The following DROSHA variants were observed in gnomAD, a reference collection of about 807,000 sequenced individuals.
The protein encoded by DROSHA is drosha ribonuclease III.
Under a neutral mutation model 181.9 loss-of-function variants are expected in DROSHA, and 56 were observed. That is an observed-to-expected ratio of 0.31 (90% CI 0.25 to 0.38). DROSHA has a LOEUF of 0.38. DROSHA is among the 10% of genes least tolerant of loss of function. The pLI is 1.00. For synonymous variants in DROSHA, 524 were observed against 591.2 expected (o/e 0.89, Z 1.65); for missense variants, 1,218 against 1,743.5 (o/e 0.70, Z 5.37).
intron 12 of DROSHA, 54 bp from the exon 13 acceptor site, chr5:31,493,347 T>C (rs1752612873): frequency 1.4e-6 from 2 of 1,481,364 alleles, no homozygotes; most frequent in Admixed American, 2.1e-5. Context: ...ATGAGTTGCA[T>C]ATGCAGAAAT....
chr5:31,489,438 A>C (rs1286983797), intron 13 of DROSHA, among the ~76,000 whole-genome samples: 1 of 152,108 alleles, frequency 6.6e-6, no homozygotes, highest in Non-Finnish European at 1.5e-5. Context: ...CTTCTCAGAC[A>C]CACAAATTTG....
intron 20 of DROSHA, among the ~76,000 whole-genome samples, chr5:31,463,238 G>C (rs1748602288): frequency 6.6e-6 from 1 of 152,104 alleles, no homozygotes; most frequent in African/African-American, 2.4e-5. Flanking sequence ...CCTGAAAATA[G>C]GGCAATATTA....
chr5:31,443,394 T>C (rs1745879522), intron 23 of DROSHA, among the ~76,000 whole-genome samples: 1 of 152,116 alleles, frequency 6.6e-6, no homozygotes, highest in South Asian at 2.1e-4. Flanking sequence ...GCAGCTTGGT[T>C]TTCCCCTTTG....
At chr5:31,460,665 G>GACTTTGAATAATCATAAAATTGTTCAAAT (rs1748302303) in intron 20 of DROSHA, among the ~76,000 whole-genome samples, 1 of 152,076 alleles carries the variant, frequency 6.6e-6, no homozygotes, top group Non-Finnish European at 1.5e-5. Context: ...TCTGTTCAAA[G>GACTTTGAATAATCATAAAATTGTTCAAAT]ACTTTGAATA....
chr5:31,457,416 C>T (rs147996548), intron 20 of DROSHA, among the ~76,000 whole-genome samples: 1 of 151,962 alleles, frequency 6.6e-6, no homozygotes, highest in African/African-American at 2.4e-5. Flanking sequence ...TGAGCCACTG[C>T]GTGCGTAGCC....
chr5:31,441,048 G>GA (rs950821015), intron 23 of DROSHA, among the ~76,000 whole-genome samples: 3 of 150,074 alleles, frequency 2.0e-5, no homozygotes, highest in Admixed American at 6.6e-5. Context: ...AATGGGAAAT[G>GA]AAAAAAAGAG....
chr5:31,484,504 C>CGTGT (rs369474665), intron 15 of DROSHA, among the ~76,000 whole-genome samples: 2,717 of 144,904 alleles, frequency 0.019, 53 homozygotes, highest in African/African-American at 0.064. Context: ...TGCGTGTGTG[C>CGTGT]ATGTGTGTGT....
At chr5:31,446,774 T>C (rs1746357159) in intron 23 of DROSHA, among the ~76,000 whole-genome samples, 2 of 151,320 alleles carry the variant, frequency 1.3e-5, no homozygotes, top group Non-Finnish European at 2.9e-5. Flanking sequence ...GCACGGTGAC[T>C]CAGGCCTGTA....
chr5:31,507,164 A>T (rs1738070375), intron 10 of DROSHA, among the ~76,000 whole-genome samples: 1 of 151,942 alleles, frequency 6.6e-6, no homozygotes, highest in Admixed American at 6.6e-5. Flanking sequence ...ATAATTTTTT[A>T]AAACTACCTA....
intron 27 of DROSHA, among the ~76,000 whole-genome samples, chr5:31,425,775 G>A (rs879088260): frequency 1.3e-5 from 2 of 152,208 alleles, no homozygotes; most frequent in Admixed American, 1.3e-4. Context: ...GAAGACGGCA[G>A]GCTTAGGAGT....
chr5:31,461,941 T>C (rs1748455161), intron 20 of DROSHA, among the ~76,000 whole-genome samples: 1 of 152,158 alleles, frequency 6.6e-6, no homozygotes, highest in African/African-American at 2.4e-5. Context: ...AATAAACAGA[T>C]ACTTCATCTG....
At chr5:31,453,351 GCACCA>G (rs950321113) in intron 20 of DROSHA, among the ~76,000 whole-genome samples, 31 of 152,190 alleles carry the variant, frequency 2.0e-4, no homozygotes, top group African/African-American at 6.7e-4. Context: ...CAGGCATGCA[GCACCA>G]CACTCTGCTA....
intron 20 of DROSHA, among the ~76,000 whole-genome samples, chr5:31,456,549 T>C (rs1167416293): frequency 6.6e-6 from 1 of 151,452 alleles, no homozygotes; most frequent in Admixed American, 6.6e-5. Context: ...AATTATACTA[T>C]AAAGTTGTCA....
At chr5:31,479,320 CATACACACAG>C in intron 16 of DROSHA, among the ~76,000 whole-genome samples, 1 of 152,316 alleles carries the variant, frequency 6.6e-6, no homozygotes, top group South Asian at 2.1e-4. Flanking sequence ...TATACACACA[CATACACACAG>C]AGTCAACTCA....
At chr5:31,511,929 A>G (rs201237499) in intron 8 of DROSHA, among the ~76,000 whole-genome samples, 8 of 128,928 alleles carry the variant, frequency 6.2e-5, no homozygotes, top group Non-Finnish European at 9.2e-5. Context: ...TCTCACACAC[A>G]CGCACACACA....
At chr5:31,406,404 A>G (rs2149984952) in intron 34 of DROSHA, among the ~76,000 whole-genome samples, 1 of 152,156 alleles carries the variant, frequency 6.6e-6, no homozygotes, top group Non-Finnish European at 1.5e-5. Context: ...TAGCTTCTCG[A>G]GTAGCCAAGG....
intron 26 of DROSHA, 61 bp downstream of exon 26, chr5:31,431,515 G>C: frequency 6.5e-7 from 1 of 1,546,988 alleles, no homozygotes; most frequent in Non-Finnish European, 8.9e-7. Flanking sequence ...TAAATTTTAT[G>C]TGCTCTCCAG....
At chr5:31,432,772 C>G (rs1216006557) in intron 25 of DROSHA, among the ~76,000 whole-genome samples, 2 of 152,182 alleles carry the variant, frequency 1.3e-5, no homozygotes, top group Non-Finnish European at 1.5e-5. Flanking sequence ...CCTCTGGATT[C>G]ATTTCACTAT....
rs1739175480 is a variant in DROSHA at position 31,515,479 on chromosome 5, C to A, written c.1033G>T (p.Ala345Ser). 1.4e-6 allele frequency: 2 copies of A among 1,437,436 alleles called. No homozygotes were observed. 89.0% of individuals were successfully genotyped at this position (1,437,436 alleles called of 1,614,324 possible). The stretch of plus-strand genomic sequence containing the variant: ...TGATTCACAATCTCCAGGGGTGGGG[C>A]CCAAGAATCTGTATTTTTAATAATC... The part of the protein sequence containing the change: ...GEIIKNTDSW[A>S]PPLEIVNHRS... The change falls in exon 7 of 36, where the codon GCC (alanine) becomes TCC (serine). Residue 345 changes from alanine (A) to serine (S), a missense_variant. Around this residue, in one of 8 missense-constraint regions of DROSHA, gnomAD observed 536 missense variants for 535.4 expected, o/e 1.00. Transcript: ENST00000344624.
Sources: gnomAD v4.1 joint callset for allele counts (sites outside exome capture counted in the v4.1 genomes callset) on GRCh38, gnomAD v4.1.1 for gene constraint, gnomAD v4.1.1 regional missense constraint, MANE v1.5 for transcripts, NCBI Gene and HGNC (gene_info 2026-07-23, HGNC 2026-07-21) for gene names.